The following SLC24A3 variants were observed in gnomAD, a reference collection of about 807,000 sequenced individuals.
SLC24A3 encodes sodium/potassium/calcium exchanger 3.
In SLC24A3, 28 loss-of-function variants were observed where a neutral mutation model predicts 75.8. The ratio of observed to expected loss-of-function variants is 0.37; its 90% CI spans 0.27 to 0.51. The LOEUF is 0.51. SLC24A3 is among the 20% of genes least tolerant of loss of function. The pLI is 0.94. For synonymous variants in SLC24A3, 372 were observed against 334.1 expected, an observed-to-expected ratio of 1.11 and a Z score of -1.24; for missense variants, 663 against 847.8, an observed-to-expected ratio of 0.78 and a Z score of 2.71.
intron 16 of SLC24A3, among the ~76,000 whole-genome samples, chr20:19,720,737 T>C (rs1295701673): frequency 6.6e-6 from 1 of 152,078 alleles, no homozygotes; most frequent in African/African-American, 2.4e-5. Flanking sequence ...TGGGATGTGC[T>C]TGTGAGTCCT....
At chr20:19,270,947 C>T (rs905106287) in intron 1 of SLC24A3, among the ~76,000 whole-genome samples, 1 of 152,076 alleles carries the variant, frequency 6.6e-6, no homozygotes, top group African/African-American at 2.4e-5. Flanking sequence ...CAAAGGGTGG[C>T]AGGAGAGCTT....
chr20:19,583,452 G>C (rs1166305054), intron 4 of SLC24A3, among the ~76,000 whole-genome samples: 1 of 152,152 alleles, frequency 6.6e-6, no homozygotes, highest in Non-Finnish European at 1.5e-5. Flanking sequence ...GAGCTGGGGA[G>C]GGCTTTTCAG....
intron 3 of SLC24A3, among the ~76,000 whole-genome samples, chr20:19,547,265 T>G (rs2030616176): frequency 6.6e-6 from 1 of 152,142 alleles, no homozygotes; most frequent in Non-Finnish European, 1.5e-5. Flanking sequence ...TTCAGCTAAG[T>G]GAAAGAGGCT....
intron 2 of SLC24A3, among the ~76,000 whole-genome samples, chr20:19,360,447 G>T (rs1042654663): frequency 6.6e-6 from 1 of 152,160 alleles, no homozygotes; most frequent in East Asian, 1.9e-4. Flanking sequence ...CTGAATCTGT[G>T]AATGTCAACA....
Position 19,684,962 on chromosome 20 carries a change from G to T in SLC24A3, c.1063-138G>T, listed in dbSNP as rs1210299488. The T allele has an allele frequency of 9.9e-6, 10 of 1,006,960 alleles. No individual in the cohort carries two copies. The African/African-American group carries it at 1.3e-4, about 13-fold the overall frequency. The allele number at this position is 1,006,960 out of a possible 1,614,324, so 62.4% of individuals were successfully genotyped here. ...CTGGAGTTGGTTATCACATTGAGAG[G>T]CCCCTTAAAACTTGACTCCAGGGTC... On this transcript the variant is annotated intron_variant, in intron 11 of 16. Transcript: ENST00000328041.
chr20:19,491,307 T>A (rs1204709396), intron 2 of SLC24A3, among the ~76,000 whole-genome samples: 1 of 152,228 alleles, frequency 6.6e-6, no homozygotes, highest in Non-Finnish European at 1.5e-5. Context: ...GCACATTGAA[T>A]CCTCCTTCCT....
intron 2 of SLC24A3, among the ~76,000 whole-genome samples, chr20:19,296,092 G>C (rs1984053385): frequency 6.6e-6 from 1 of 152,056 alleles, no homozygotes; most frequent in South Asian, 2.1e-4. Context: ...TTGGGATGGT[G>C]TATGTGTCCA....
intron 6 of SLC24A3, among the ~76,000 whole-genome samples, chr20:19,638,710 T>G (rs1178672952): frequency 6.6e-6 from 1 of 152,154 alleles, no homozygotes; most frequent in African/African-American, 2.4e-5. Flanking sequence ...AATTAATAGC[T>G]TGCTCAAGGC....
At chr20:19,403,233 T>C (rs1272404030) in intron 2 of SLC24A3, among the ~76,000 whole-genome samples, 23 of 152,158 alleles carry the variant, frequency 1.5e-4, no homozygotes. Flanking sequence ...TGAAGGTACA[T>C]GGGATTGTAC....
At chr20:19,410,062 C>T (rs1203683072) in intron 2 of SLC24A3, among the ~76,000 whole-genome samples, 1 of 151,886 alleles carries the variant, frequency 6.6e-6, no homozygotes, top group Non-Finnish European at 1.5e-5. Context: ...AGAATTCAGA[C>T]GAAATTCATC....
At chr20:19,612,662 T>C (rs1458478843) in intron 6 of SLC24A3, among the ~76,000 whole-genome samples, 1 of 149,212 alleles carries the variant, frequency 6.7e-6, no homozygotes, top group Non-Finnish European at 1.5e-5. Flanking sequence ...TTTTTAAAAA[T>C]ACATCCAGAA....
intron 3 of SLC24A3, among the ~76,000 whole-genome samples, chr20:19,575,547 T>C (rs1275254128): frequency 6.6e-6 from 1 of 152,148 alleles, no homozygotes; most frequent in Non-Finnish European, 1.5e-5. Context: ...AGAGAAGCCT[T>C]GTGATCATGA....
At chr20:19,372,284 G>C (rs1986006295) in intron 2 of SLC24A3, among the ~76,000 whole-genome samples, 1 of 152,140 alleles carries the variant, frequency 6.6e-6, no homozygotes, top group Non-Finnish European at 1.5e-5. Context: ...AGAAGTTGAG[G>C]GAAGGCAGGA....
intron 3 of SLC24A3, among the ~76,000 whole-genome samples, chr20:19,559,552 T>C (rs964610055): frequency 6.6e-5 from 10 of 152,144 alleles, no homozygotes; most frequent in Admixed American, 2.6e-4. Context: ...TTCTATGTAA[T>C]AAATCATTGT....
chr20:19,256,768 C>CAAAAAAAAAAAAAAAAA, intron 1 of SLC24A3, among the ~76,000 whole-genome samples: 1 of 80,308 alleles, frequency 1.2e-5, no homozygotes, highest in Non-Finnish European at 2.9e-5. Context: ...GACGTTGTCT[C>CAAAAAAAAAAAAAAAAA]AAAAAAAAAA....
chr20:19,500,603 T>C (rs1023183699), intron 2 of SLC24A3, among the ~76,000 whole-genome samples: 3 of 152,232 alleles, frequency 2.0e-5, no homozygotes, highest in African/African-American at 7.2e-5. Flanking sequence ...TCCATAAATC[T>C]ATATGAAATG....
chr20:19,475,220 T>C (rs1987942680), intron 2 of SLC24A3, among the ~76,000 whole-genome samples: 1 of 152,012 alleles, frequency 6.6e-6, no homozygotes, highest in South Asian at 2.1e-4. Context: ...TTGCCTGTAG[T>C]CACAGCTACT....
chr20:19,414,964 A>G (rs56028722), intron 2 of SLC24A3, among the ~76,000 whole-genome samples: 4 of 152,216 alleles, frequency 2.6e-5, no homozygotes, highest in Non-Finnish European at 5.9e-5. Flanking sequence ...TTTTTATATC[A>G]CTTCATGAAT....
At chr20:19,280,669 A>C (rs965197966) in intron 1 of SLC24A3, among the ~76,000 whole-genome samples, 5 of 152,178 alleles carry the variant, frequency 3.3e-5, no homozygotes, top group African/African-American at 4.8e-5. Flanking sequence ...CAGGGAATTG[A>C]GACAGGGAAT....
Sources: gnomAD v4.1 joint callset for allele counts (sites outside exome capture counted in the v4.1 genomes callset) on GRCh38, gnomAD v4.1.1 for gene constraint, MANE v1.5 for transcripts, NCBI Gene and HGNC (gene_info 2026-07-23, HGNC 2026-07-21) for gene names.